Variants in TMC5 observed in about 807,000 individuals in gnomAD.
TMC5 encodes the protein transmembrane channel like 5, also known as transmembrane channel-like protein 5.
In TMC5, 86 loss-of-function variants were observed where a neutral mutation model predicts 110.5. The ratio of observed to expected loss-of-function variants is 0.78; its 90% confidence interval spans 0.65 to 0.93. The LOEUF (loss-of-function observed/expected upper bound fraction) is 0.93. TMC5 is among the 40% of genes least tolerant of loss of function. The pLI is 0.00. For synonymous variants in TMC5, 455 were observed against 439.5 expected (o/e 1.04, Z -0.44); for missense variants, 1,144 against 1,222.8 (o/e 0.94, Z 0.96).
intron 5 of TMC5, among the ~76,000 whole-genome samples, chr16:19,458,166 T>C (rs561268162): frequency 1.3e-5 from 2 of 152,292 alleles, no homozygotes; most frequent in South Asian, 2.1e-4. Flanking sequence ...CCAGCCTCTC[T>C]GCTCCTGAGG....
At chr16:19,421,354 G>A (rs1298531807) in intron 1 of TMC5, among the ~76,000 whole-genome samples, 1 of 152,078 alleles carries the variant, frequency 6.6e-6, no homozygotes, top group Non-Finnish European at 1.5e-5. Flanking sequence ...GGAGGTAATT[G>A]AGTCATAGGG....
At chr16:19,481,310 G>C in intron 14 of TMC5, 60 bp from the exon 15 acceptor site, 5 of 1,185,316 alleles carry the variant, frequency 4.2e-6, no homozygotes, top group Non-Finnish European at 6.3e-6. Context: ...CCTAGTCTGT[G>C]GGGGATCTTC....
chr16:19,417,418 CAA>C (rs34861075), upstream of TMC5, among the ~76,000 whole-genome samples: 605 of 85,280 alleles, frequency 7.1e-3, 3 homozygotes, highest in African/African-American at 0.02. Flanking sequence ...AACGCTGTCT[CAA>C]AAAAAAAAAA....
chr16:19,428,706 C>T (rs1298170972), intron 1 of TMC5, among the ~76,000 whole-genome samples: 2 of 152,106 alleles, frequency 1.3e-5, no homozygotes, highest in Middle Eastern at 6.3e-3. Flanking sequence ...CTTACCTTTC[C>T]TTGAGAATTG....
chr16:19,492,227 A>T lies in TMC5; in HGVS notation c.2825A>T (p.Asn942Ile). 1 of 1,611,572 alleles carries T rather than the reference A, an allele frequency of 6.2e-7. No homozygotes were observed. Among genetic ancestry groups the T allele is most frequent in the Non-Finnish European group, 8.5e-7 (1 of 1,177,744 alleles). Residue 942 changes from asparagine to isoleucine, a missense_variant and splice_region_variant, in exon 19 of 22, where the codon AAT becomes ATT. Asn to Ile is a moderately radical substitution (Grantham distance 149). Coordinates refer to ENST00000542583, the MANE Select transcript of TMC5 (RefSeq NM_001261841.2). ...AGGCTGCTCCATGAGCAGATCATTA[A>T]TGTAAGTCCCCTTGGATCCCTCTGA... is the stretch of plus-strand genomic sequence containing the variant. ...MIRLLHEQII[N>I]EGKDKMFLIE...
In TMC5 at chr16:19,495,011, C is replaced by CTTTTTTTTTTTTTTTTTT. The variant is rs56178955; in HGVS notation, c.2931+649_2931+666dup. On this transcript the variant is annotated intron_variant, in intron 20 of 21. Transcript: ENST00000542583. ...CACTATGAATACTTCAGTGTCTATT[C>CTTTTTTTTTTTTTTTTTT]TTTTTTTTTTTTTTTTTTTTTGAGA... Among the ~76,000 whole-genome samples the CTTTTTTTTTTTTTTTTTT allele has an allele frequency of 1.2e-4, 5 of 40,512 alleles. 1 individual carries two copies. Among genetic ancestry groups the CTTTTTTTTTTTTTTTTTT allele is most frequent in the African/African-American group, 4.7e-4 (5 of 10,740 alleles). 26.6% of individuals were successfully genotyped at this position (40,512 alleles called of 152,430 possible).
At chr16:19,441,620 CT>C (rs1967492333) in intron 3 of TMC5, among the ~76,000 whole-genome samples, 1 of 152,014 alleles carries the variant, frequency 6.6e-6, no homozygotes, top group Non-Finnish European at 1.5e-5. Flanking sequence ...GATTTTTACA[CT>C]TTTATTTCTA....
At chr16:19,494,491 T>A (rs2353696) in intron 20 of TMC5, 125 bp downstream of exon 20, 443,277 of 640,352 alleles carry the variant, frequency 0.69, 158,060 homozygotes, top group South Asian at 0.78. Context: ...CTGTCTTAAG[T>A]ATTTCTGTGG....
rs1488453048 is a variant in TMC5 at position 19,445,230 on chromosome 16, T to C, written c.958+980T>C. On this transcript the variant is annotated intron_variant, in intron 4 of 21. Transcript: ENST00000542583. ...TTGTTGTGTGTATAGATAAGATGCT[T>C]AGCTCCAGGAGGCAAAGGAAATTCT... Among the ~76,000 whole-genome samples the C allele has an allele frequency of 2.6e-5, 4 of 151,630 alleles. No homozygotes were observed. The East Asian group carries it at 7.7e-4, about 29-fold the overall frequency.
intron 5 of TMC5, among the ~76,000 whole-genome samples, chr16:19,459,165 G>T (rs1436285634): frequency 6.6e-6 from 1 of 152,088 alleles, no homozygotes; most frequent in African/African-American, 2.4e-5. Context: ...CCTGCAAGGG[G>T]ACAGGACCGT....
At chr16:19,419,041 G>A (rs964676789) in intron 1 of TMC5, among the ~76,000 whole-genome samples, 2 of 152,104 alleles carry the variant, frequency 1.3e-5, no homozygotes, top group African/African-American at 2.4e-5. Flanking sequence ...CAATGATGTT[G>A]TTGATGATGA....
Position 19,479,480 on chromosome 16 carries a change from A to C in TMC5, c.2219A>C (p.Asp740Ala), listed in dbSNP as rs1267644168. ...GACATCTACCGGCTCCTTCTGATGG[A>C]TTTTGTGTTCTCTTTAGTCAATTCC... The part of the protein sequence containing the change: ...GQDIYRLLLM[D>A]FVFSLVNSFL... Residue 740 changes from aspartate (D) to alanine (A), a missense_variant, in exon 14 of 22, where the codon GAT becomes GCT. Asp to Ala is a moderately radical substitution (Grantham distance 126). Transcript: ENST00000542583. The C allele has an allele frequency of 1.2e-6, 2 of 1,613,800 alleles. No individual in the cohort carries two copies. Among genetic ancestry groups the C allele is most frequent in the Admixed American group, 3.3e-5 (2 of 59,970 alleles).
intron 1 of TMC5, among the ~76,000 whole-genome samples, chr16:19,412,248 T>A (rs1045255670): frequency 7.9e-5 from 12 of 151,812 alleles, no homozygotes; most frequent in Non-Finnish European, 1.5e-4. Flanking sequence ...TTTTTTAAAT[T>A]TTTGTAGAGA....
chr16:19,486,331 A>G (rs1167083637), intron 15 of TMC5, among the ~76,000 whole-genome samples: 1 of 151,988 alleles, frequency 6.6e-6, no homozygotes, highest in Non-Finnish European at 1.5e-5. Flanking sequence ...TCTTCTCCCC[A>G]TGTCTTTACA....
chr16:19,443,770 A>ATGGATGGATGG (rs1967543760), intron 3 of TMC5, among the ~76,000 whole-genome samples: 1 of 151,954 alleles, frequency 6.6e-6, no homozygotes, highest in Non-Finnish European at 1.5e-5. Flanking sequence ...GTATGGTTGG[A>ATGGATGGATGG]TGGATGGATG....
upstream of TMC5, among the ~76,000 whole-genome samples, chr16:19,415,897 G>T (rs1024038025): frequency 1.3e-5 from 2 of 152,186 alleles, no homozygotes; most frequent in Non-Finnish European, 2.9e-5. Flanking sequence ...ATCAAAGATT[G>T]GGGCTGGGTG....
intron 5 of TMC5, among the ~76,000 whole-genome samples, chr16:19,452,668 G>A (rs1333192483): frequency 6.6e-6 from 1 of 152,180 alleles, no homozygotes; most frequent in East Asian, 1.9e-4. Context: ...AGTGAGCCGA[G>A]ATCAAAGGGT....
rs143751051 is a variant in TMC5 at position 19,420,182 on chromosome 16, T to G, written c.-308+2090T>G. On this transcript the variant is annotated intron_variant, in intron 1 of 21. Coordinates refer to ENST00000542583, the MANE Select transcript of TMC5 (RefSeq NM_001261841.2). ...TGGGTCACGTCTGTAATCCCAGCAC[T>G]TTGGGAGGCCAAGGAGGGCAGATCA... 2.2e-3 allele frequency among the ~76,000 whole-genome samples: 338 copies of G among 152,214 alleles called. 1 individual carries two copies. The highest frequency in any genetic ancestry group is 7.9e-3 in the African/African-American group (330 of 41,550).
At chr16:19,427,326 C>T (rs73538009) in intron 1 of TMC5, among the ~76,000 whole-genome samples, 1,548 of 152,208 alleles carry the variant, frequency 0.01, 28 homozygotes, top group African/African-American at 0.035. Context: ...GTAGCTCACA[C>T]CTATAATCCC....
Sources: gnomAD v4.1 joint callset for allele counts (sites outside exome capture counted in the v4.1 genomes callset) on GRCh38, gnomAD v4.1.1 for gene constraint, MANE v1.5 for transcripts, NCBI Gene and HGNC (gene_info 2026-07-23, HGNC 2026-07-21) for gene names.